Variants in CCNY observed in about 807,000 individuals in gnomAD.
The protein encoded by CCNY is cyclin-Y.
Under a neutral mutation model 42.8 loss-of-function variants are expected in CCNY, and 19 were observed. That is an observed-to-expected ratio of 0.44 (90% CI 0.31 to 0.65). The LOEUF is 0.65. Ranked by LOEUF, CCNY falls within the 30% of genes least tolerant of loss-of-function variation. The pLI is 0.07. For missense variants in CCNY, 370 were observed against 437.3 expected, an observed-to-expected ratio of 0.85 and a Z score of 1.37; for synonymous variants, 165 against 162.7, an observed-to-expected ratio of 1.01 and a Z score of -0.11.
intron 7 of CCNY, among the ~76,000 whole-genome samples, chr10:35,531,392 T>G (rs150194703): frequency 1.5e-3 from 233 of 152,350 alleles, no homozygotes; most frequent in African/African-American, 5.1e-3. Context: ...GCTCATTCAT[T>G]CATCTGTTCA....
intron 8 of CCNY, among the ~76,000 whole-genome samples, chr10:35,561,261 G>A (rs971028432): frequency 2.6e-5 from 4 of 152,216 alleles, no homozygotes; most frequent in African/African-American, 9.6e-5. Context: ...TGAGGGTGGG[G>A]TGGGAGGCGT....
In CCNY at chr10:35,345,060, G is replaced by T. The variant is rs36101960; in HGVS notation, c.154+7853G>T. The stretch of plus-strand genomic sequence containing the variant: ...TGCATGTGCATGTGTCTTTATAGCA[G>T]CATGATTTATAATCCTTTGGGTATA... On this transcript the variant is annotated intron_variant, in intron 1 of 9. Transcript: ENST00000374704. Among the ~76,000 whole-genome samples the T allele has an allele frequency of 8.8e-3, 1,346 of 152,296 alleles. 13 individuals carry two copies. The highest frequency in any genetic ancestry group is 0.016 in the Non-Finnish European group (1,098 of 68,026).
At chr10:35,564,992 T>C (rs1841540154) in intron 8 of CCNY, among the ~76,000 whole-genome samples, 1 of 151,176 alleles carries the variant, frequency 6.6e-6, no homozygotes, top group African/African-American at 2.5e-5. Context: ...GGGCACCCTG[T>C]GGGTGGGCAC....
Position 35,516,503 on chromosome 10 carries a change from T to A in CCNY, c.265-20T>A, listed in dbSNP as rs759486343. ...TGAGCCCTGTGTAATTGCCTTAATC[T>A]TCTTGCTGTTGTTTTCTAGCATCCT... On this transcript the variant is annotated intron_variant, in intron 3 of 9. Coordinates refer to ENST00000374704, the MANE Select transcript of CCNY (RefSeq NM_145012.6). 5.3e-5 allele frequency: 83 copies of A among 1,563,710 alleles called. No homozygotes were observed. The highest frequency in any genetic ancestry group is 7.2e-5 in the Non-Finnish European group (82 of 1,135,694).
chr10:35,566,791 C>T (rs546245304), intron 9 of CCNY, among the ~76,000 whole-genome samples: 25 of 152,170 alleles, frequency 1.6e-4, no homozygotes, highest in African/African-American at 3.1e-4. Flanking sequence ...ATCACAACTC[C>T]GCCCCCTGGG....
intron 3 of CCNY, among the ~76,000 whole-genome samples, chr10:35,254,758 G>A (rs2095714285): frequency 6.7e-6 from 1 of 149,992 alleles, no homozygotes; most frequent in Admixed American, 6.7e-5. Context: ...AGCCCCCAGG[G>A]AGGTTAAGGC....
rs866109909 is a variant in CCNY at position 35,532,911 on chromosome 10, G to A, written c.579+2668G>A. 2.0e-5 allele frequency among the ~76,000 whole-genome samples: 3 copies of A among 152,232 alleles called. No individual in the cohort carries two copies. In the South Asian group the frequency reaches 6.2e-4, roughly 32 times the overall value. On this transcript the variant is annotated intron_variant, in intron 7 of 9. Transcript: ENST00000374704. ...AAGGATGAGAAAGCCAGAGGCCAAG[G>A]CAGAAGGAGATATATTGGAAGGTCC... is the stretch of plus-strand genomic sequence containing the variant.
chr10:35,394,847 G>A (rs1240528971), intron 1 of CCNY: 29 of 985,198 alleles, frequency 2.9e-5, no homozygotes, highest in Non-Finnish European at 3.3e-5. Context: ...AGGAGAAAGT[G>A]TTTCATCACG....
At chr10:35,546,238 C>T (rs1841114180) in intron 7 of CCNY, among the ~76,000 whole-genome samples, 1 of 152,194 alleles carries the variant, frequency 6.6e-6, no homozygotes, top group Non-Finnish European at 1.5e-5. Flanking sequence ...TAGTATTACT[C>T]TTTAAAATTG....
intron 8 of CCNY, among the ~76,000 whole-genome samples, chr10:35,559,274 T>C (rs930188407): frequency 1.3e-5 from 2 of 152,170 alleles, no homozygotes; most frequent in Admixed American, 6.5e-5. Context: ...CCTGACCAAA[T>C]AGCGTTCTAG....
Position 35,336,972 on chromosome 10 carries a change from G to GCCCGCGCCCCGCGTCCA in CCNY, c.-69_-53dup, listed in dbSNP as rs1269635807. On this transcript the variant is annotated 5_prime_UTR_variant, in exon 1 of 10. Coordinates refer to ENST00000374704, the MANE Select transcript of CCNY (RefSeq NM_145012.6). Reference sequence around the variant, plus strand: ...GCGGGCCTCCCCACACGCCCCCGCCGCCCGCGCCCCGCGTCCACCCGCGCC... The same window carrying GCCCGCGCCCCGCGTCCA: ...GCGGGCCTCCCCACACGCCCCCGCCGCCCGCGCCCCGCGTCCACCCGCGCCCCGCGTCCACCCGCGCC... 193 of 1,157,178 alleles carry GCCCGCGCCCCGCGTCCA rather than the reference G, an allele frequency of 1.7e-4. No homozygotes were observed. Among genetic ancestry groups the GCCCGCGCCCCGCGTCCA allele is most frequent in the Middle Eastern group, 2.7e-4 (1 of 3,674 alleles). 71.7% of individuals were successfully genotyped at this position (1,157,178 alleles called of 1,614,324 possible).
intron 3 of CCNY, among the ~76,000 whole-genome samples, chr10:35,253,185 G>T (rs191252220): frequency 3.4e-4 from 51 of 152,192 alleles, no homozygotes; most frequent in Admixed American, 1.4e-3. Context: ...TGAATACAAA[G>T]AAGTCTTCCA....
intron 8 of CCNY, among the ~76,000 whole-genome samples, chr10:35,558,821 A>C (rs1238186101): frequency 1.3e-5 from 2 of 152,178 alleles, no homozygotes; most frequent in African/African-American, 4.8e-5. Context: ...TGAGAAAATA[A>C]ATTTCTGTTG....
intron 3 of CCNY, among the ~76,000 whole-genome samples, chr10:35,260,664 AT>A (rs1213822248): frequency 6.6e-6 from 1 of 152,204 alleles, no homozygotes; most frequent in Non-Finnish European, 1.5e-5. Flanking sequence ...CCCAGTTAAC[AT>A]TGCCAGGCAG....
intron 3 of CCNY, among the ~76,000 whole-genome samples, chr10:35,331,330 T>C (rs1033132988): frequency 6.6e-6 from 1 of 152,196 alleles, no homozygotes; most frequent in Non-Finnish European, 1.5e-5. Context: ...ATATATACCA[T>C]TTCTCTTCTT....
rs2135112606 is a variant in CCNY, at chr10:35,336,978, G to A, written c.-76G>A. On this transcript the variant is annotated 5_prime_UTR_variant, in exon 1 of 10. Coordinates refer to ENST00000374704, the MANE Select transcript of CCNY (RefSeq NM_145012.6). ...CTCCCCACACGCCCCCGCCGCCCGC[G>A]CCCCGCGTCCACCCGCGCCCCGCTC... The A allele has an allele frequency of 3.3e-6, 4 of 1,197,942 alleles. No homozygotes were observed. In the East Asian group the frequency reaches 1.4e-4, roughly 41 times the overall value. 74.2% of individuals were successfully genotyped at this position (1,197,942 alleles called of 1,614,324 possible). A position where few individuals can be genotyped will look rare whatever the true frequency, so the allele number is the denominator to read the frequency against.
At chr10:35,416,232 G>A (rs990991781) in intron 1 of CCNY, among the ~76,000 whole-genome samples, 5 of 151,110 alleles carry the variant, frequency 3.3e-5, no homozygotes, top group East Asian at 1.9e-4. Context: ...CCTACCTACC[G>A]TGTACTTTGA....
chr10:35,450,405 A>T (rs1168624573), intron 1 of CCNY, among the ~76,000 whole-genome samples: 3 of 151,974 alleles, frequency 2.0e-5, no homozygotes, highest in South Asian at 2.1e-4. Flanking sequence ...TGTGCTGGGG[A>T]TGTGTGCTCC....
chr10:35,501,917 G>T (rs947143135), intron 3 of CCNY, among the ~76,000 whole-genome samples: 1 of 152,130 alleles, frequency 6.6e-6, no homozygotes, highest in African/African-American at 2.4e-5. Context: ...ACACATAGTT[G>T]TTTTCCATGA....
Sources: allele counts gnomAD v4.1 joint callset (sites outside exome capture counted in the v4.1 genomes callset), GRCh38; gene constraint gnomAD v4.1.1; transcripts MANE v1.5; gene names NCBI Gene and HGNC (gene_info 2026-07-23, HGNC 2026-07-21).